GTF2A1L: variants seen among roughly 807,000 people sequenced by gnomAD.
GTF2A1L encodes the protein general transcription factor IIA subunit 1 like.
A neutral mutation model predicts 49.7 loss-of-function variants in GTF2A1L; 48 were observed. The ratio of observed to expected loss-of-function variants is 0.97; its 90% confidence interval spans 0.77 to 1.23. The LOEUF is 1.23. Among genes scored for constraint, GTF2A1L ranks in the 50% most tolerant of loss-of-function variants. The probability of loss-of-function intolerance (pLI) is 0.00; values close to 1 mark genes in which losing one functional copy is unlikely to be tolerated. For missense variants in GTF2A1L, 736 were observed against 564.8 expected (o/e 1.30, Z -3.07); for synonymous variants, 246 against 193.5 (o/e 1.27, Z -2.25).
In GTF2A1L at chr2:48,646,690, A is replaced by G; in HGVS notation, c.626A>G (p.His209Arg). ...ILPSGPVDRK[H>R]LENATSDILV... is the part of the protein sequence containing the mutation. ...CCTTCTGGGCCAGTAGATAGGAAAC[A>G]CTTAGAAAATGCCACCAGTGATATA... Residue 209 changes from histidine (H) to arginine (R), a missense_variant, in exon 6 of 9, where the codon CAC becomes CGC. His to Arg is a conservative substitution (Grantham distance 29). Coordinates refer to ENST00000403751, the MANE Select transcript of GTF2A1L (RefSeq NM_006872.5). 3 of 1,614,176 alleles carry G rather than the reference A, an allele frequency of 1.9e-6. No homozygotes were observed. The highest frequency in any genetic ancestry group is 8.5e-7 in the Non-Finnish European group (1 of 1,180,030).
intron 8 of GTF2A1L, among the ~76,000 whole-genome samples, chr2:48,675,965 A>G (rs1309716271): frequency 6.6e-6 from 1 of 151,848 alleles, no homozygotes; most frequent in East Asian, 1.9e-4. Flanking sequence ...AAATACTGTA[A>G]AAAGGTATAC....
chr2:48,643,466 A>C (rs1677315774), intron 4 of GTF2A1L, among the ~76,000 whole-genome samples: 1 of 152,124 alleles, frequency 6.6e-6, no homozygotes, highest in African/African-American at 2.4e-5. Context: ...AAAACCACAC[A>C]CCTTAATAGG....
In GTF2A1L at chr2:48,646,444, CT is replaced by C. The variant is rs35527738; in HGVS notation, c.389-4del. The C allele has an allele frequency of 2.0e-6, 3 of 1,533,158 alleles. No homozygotes were observed. The highest frequency in any genetic ancestry group is 2.6e-5 in the South Asian group (2 of 76,354). The allele number at this position is 1,533,158 out of a possible 1,614,324, so 95.0% of individuals were successfully genotyped here. The stretch of plus-strand genomic sequence containing the variant: ...ATTATACTTACAATTTTGCTTTCTC[CT>C]TTTTAAGGTCACCTTTATAAAGTCA... On this transcript the variant is annotated splice_polypyrimidine_tract_variant and splice_region_variant and intron_variant, in intron 5 of 8. Transcript: ENST00000403751.
chr2:48,638,203 G>C (rs1677007841), intron 3 of GTF2A1L, among the ~76,000 whole-genome samples: 1 of 152,108 alleles, frequency 6.6e-6, no homozygotes, highest in South Asian at 2.1e-4. Flanking sequence ...AAATTGAGGA[G>C]GAAGGACTCC....
chr2:48,672,793 T>C (rs1309245390), intron 8 of GTF2A1L, among the ~76,000 whole-genome samples: 2 of 152,254 alleles, frequency 1.3e-5, no homozygotes, highest in African/African-American at 2.4e-5. Flanking sequence ...GAACATAGTA[T>C]ACAATTCGCC....
chr2:48,636,925 A>G (rs532452782), intron 3 of GTF2A1L, among the ~76,000 whole-genome samples: 41 of 152,292 alleles, frequency 2.7e-4, no homozygotes, highest in African/African-American at 9.4e-4. Context: ...TTAAAATGAT[A>G]CTATCAGTCA....
At chr2:48,634,551 A>G (rs1676778190) in intron 3 of GTF2A1L, among the ~76,000 whole-genome samples, 1 of 152,288 alleles carries the variant, frequency 6.6e-6, no homozygotes, top group Middle Eastern at 3.4e-3. Flanking sequence ...TGTTTCCGTG[A>G]TTAGAACTCC....
intron 4 of GTF2A1L, among the ~76,000 whole-genome samples, chr2:48,642,822 C>G (rs1193032279): frequency 1.3e-5 from 2 of 150,874 alleles, no homozygotes; most frequent in Non-Finnish European, 2.9e-5. Context: ...TGCCATTGCA[C>G]TCCAGCGTGG....
chr2:48,670,341 C>T (rs1427351612), intron 7 of GTF2A1L, among the ~76,000 whole-genome samples: 1 of 151,874 alleles, frequency 6.6e-6, no homozygotes, highest in Non-Finnish European at 1.5e-5. Context: ...CCAAGAAATG[C>T]CACTGTATTC....
At chr2:48,650,445 A>G (rs1469993926) in intron 6 of GTF2A1L, among the ~76,000 whole-genome samples, 1 of 152,218 alleles carries the variant, frequency 6.6e-6, no homozygotes, top group East Asian at 1.9e-4. Flanking sequence ...GCTCAAAATC[A>G]ATGTATGAGT....
At chr2:48,672,637 G>T (rs543174366) in intron 8 of GTF2A1L, among the ~76,000 whole-genome samples, 2 of 152,252 alleles carry the variant, frequency 1.3e-5, no homozygotes, top group South Asian at 4.1e-4. Context: ...CCAGCCTAGA[G>T]ATTATGTTAG....
rs1676740257 is a variant in GTF2A1L at position 48,633,997 on chromosome 2, C to T, written c.248-8405C>T. Among the ~76,000 whole-genome samples, 4 of 152,046 alleles carry T rather than the reference C, an allele frequency of 2.6e-5. No homozygotes were observed. The South Asian group carries it at 6.2e-4, about 24-fold the overall frequency. ...TTGCTTGGTGGATCACTCTTCAGCC[C>T]TTTATTTTGAGCCTATGGGTGTTTT... On this transcript the variant is annotated intron_variant, in intron 3 of 8. Coordinates refer to ENST00000403751, the MANE Select transcript of GTF2A1L (RefSeq NM_006872.5).
intron 4 of GTF2A1L, among the ~76,000 whole-genome samples, chr2:48,643,107 G>GT (rs773346672): frequency 4.6e-5 from 7 of 151,560 alleles, no homozygotes; most frequent in South Asian, 2.1e-4. Flanking sequence ...TAATTTTGAG[G>GT]TTTTTTTTCA....
chr2:48,632,622 C>T (rs1023424431), intron 3 of GTF2A1L: 2 of 155,350 alleles, frequency 1.3e-5, no homozygotes, highest in Non-Finnish European at 2.8e-5. Flanking sequence ...ACCTTGTGAT[C>T]CACCAGCCTT....
At chr2:48,620,819 A>AAATG (rs1319719337) in intron 1 of GTF2A1L, 32 bp from the exon 2 acceptor site, 1 of 1,138,352 alleles carries the variant, frequency 8.8e-7, no homozygotes, top group Non-Finnish European at 1.2e-6. Flanking sequence ...ATAAATAAAT[A>AAATG]AAATGAAACT....
At chr2:48,633,729 C>T (rs563301344) in intron 3 of GTF2A1L, among the ~76,000 whole-genome samples, 4 of 152,258 alleles carry the variant, frequency 2.6e-5, no homozygotes, top group Admixed American at 2.6e-4. Context: ...AGTAGGATTT[C>T]AATAGGGGGA....
chr2:48,620,267 C>T (rs1675906724), intron 1 of GTF2A1L, among the ~76,000 whole-genome samples: 1 of 152,184 alleles, frequency 6.6e-6, no homozygotes, highest in South Asian at 2.1e-4. Flanking sequence ...AATAACCATG[C>T]ATCTTTGAGA....
chr2:48,664,125 T>C (rs1370766643), intron 6 of GTF2A1L, among the ~76,000 whole-genome samples: 1 of 152,118 alleles, frequency 6.6e-6, no homozygotes, highest in Admixed American at 6.6e-5. Flanking sequence ...AGAGTGTTTT[T>C]TTTTCTTGGC....
In GTF2A1L at chr2:48,679,578, A is replaced by G; in HGVS notation, c.*136A>G. The G allele has an allele frequency of 7.0e-7, 1 of 1,432,086 alleles. No homozygotes were observed. The allele number at this position is 1,432,086 out of a possible 1,614,324, so 88.7% of individuals were successfully genotyped here. Reference sequence around the variant, plus strand: ...AGTTCACTGTATGGAATTTAATAAAATTATAATTCAGATGCAGATACAATT... The same window carrying G: ...AGTTCACTGTATGGAATTTAATAAAGTTATAATTCAGATGCAGATACAATT... On this transcript the variant is annotated 3_prime_UTR_variant, in exon 9 of 9. Transcript: ENST00000403751.
Sources: allele counts gnomAD v4.1 joint callset (sites outside exome capture counted in the v4.1 genomes callset), GRCh38; gene constraint gnomAD v4.1.1; transcripts MANE v1.5; gene names NCBI Gene and HGNC (gene_info 2026-07-23, HGNC 2026-07-21).